DNTT: variants seen among roughly 807,000 people sequenced by gnomAD.
DNTT encodes the protein nucleosidetriphosphate:DNA deoxynucleotidylexotransferase.
Under a neutral mutation model 60.9 loss-of-function variants are expected in DNTT, and 47 were observed. The observed-to-expected ratio is 0.77, with a 90% confidence interval of 0.61 to 0.98. DNTT has a LOEUF of 0.98. Among genes scored for constraint, DNTT ranks in the 50% least tolerant of loss-of-function variants. DNTT has a pLI of 0.00. For missense variants in DNTT, 665 were observed against 627.5 expected, an observed-to-expected ratio of 1.06 and a Z score of -0.64; for synonymous variants, 224 against 221.2, an observed-to-expected ratio of 1.01 and a Z score of -0.11.
chr10:96,335,807 A>G, intron 9 of DNTT, 84 bp from the exon 10 acceptor site: 4 of 1,443,646 alleles, frequency 2.8e-6, no homozygotes, highest in Non-Finnish European at 3.9e-6. Flanking sequence ...GTGGAGTTAC[A>G]TATTTCACTA....
chr10:96,327,081 A>G (rs1270302839), intron 6 of DNTT, among the ~76,000 whole-genome samples: 1 of 152,162 alleles, frequency 6.6e-6, no homozygotes, highest in Non-Finnish European at 1.5e-5. Flanking sequence ...TAATGGATCC[A>G]TCACCTTCCA....
chr10:96,311,328 G>C (rs1366729576), intron 1 of DNTT, among the ~76,000 whole-genome samples: 1 of 152,210 alleles, frequency 6.6e-6, no homozygotes, highest in African/African-American at 2.4e-5. Context: ...GAAGACAGCA[G>C]GTGACCATCC....
At chr10:96,317,520 G>A (rs56747775) in intron 1 of DNTT, among the ~76,000 whole-genome samples, 1,902 of 152,254 alleles carry the variant, frequency 0.012, 36 homozygotes, top group African/African-American at 0.043. Flanking sequence ...TCTATGGTCT[G>A]AATATTTGTG....
intron 1 of DNTT, among the ~76,000 whole-genome samples, chr10:96,310,123 A>C (rs1038577444): frequency 6.6e-6 from 1 of 152,160 alleles, no homozygotes; most frequent in Non-Finnish European, 1.5e-5. Context: ...CACAGGGACC[A>C]ACCCCCCTAC....
At chr10:96,311,296 A>G (rs1001394749) in intron 1 of DNTT, among the ~76,000 whole-genome samples, 3 of 152,268 alleles carry the variant, frequency 2.0e-5, no homozygotes, top group African/African-American at 7.2e-5. Flanking sequence ...GGGAAGAATC[A>G]GGAATGACCT....
intron 1 of DNTT, 145 bp downstream of exon 1, chr10:96,304,845 A>G (rs1234144136): frequency 2.6e-5 from 24 of 917,082 alleles, no homozygotes; most frequent in South Asian, 3.7e-5. Flanking sequence ...TCAAAGAACA[A>G]CTAGTTAAGG....
At chr10:96,331,601 G>A (rs993083718) in intron 8 of DNTT, among the ~76,000 whole-genome samples, 3 of 152,062 alleles carry the variant, frequency 2.0e-5, no homozygotes, top group African/African-American at 7.3e-5. Context: ...ATGAGGATGA[G>A]GACGGCACAA....
intron 10 of DNTT, 134 bp from the exon 11 acceptor site, chr10:96,338,004 T>C: frequency 1.5e-6 from 1 of 668,348 alleles, no homozygotes; most frequent in Non-Finnish European, 2.4e-6. Context: ...CTTTTTATAC[T>C]CAGAAGCAGG....
chr10:96,316,724 A>G (rs1209968132), intron 1 of DNTT, among the ~76,000 whole-genome samples: 1 of 152,196 alleles, frequency 6.6e-6, no homozygotes, highest in Non-Finnish European at 1.5e-5. Context: ...GCCACCAACC[A>G]GCTGCCTCTC....
chr10:96,314,441 T>G (rs1056562721), intron 1 of DNTT, among the ~76,000 whole-genome samples: 17 of 131,962 alleles, frequency 1.3e-4, no homozygotes, highest in Non-Finnish European at 2.6e-4. Flanking sequence ...GAGATGGAGT[T>G]TCGCTCTGTC....
At chr10:96,323,159 T>C (rs1250189632) in intron 5 of DNTT, among the ~76,000 whole-genome samples, 1 of 151,818 alleles carries the variant, frequency 6.6e-6, no homozygotes, top group East Asian at 1.9e-4. Flanking sequence ...AAAAATTAGG[T>C]GTGGTGAGGC....
At chr10:96,331,684 A>C (rs981723913) in intron 8 of DNTT, among the ~76,000 whole-genome samples, 2 of 152,202 alleles carry the variant, frequency 1.3e-5, no homozygotes, top group African/African-American at 4.8e-5. Context: ...TTGGGGATCA[A>C]ATTTCTACGT....
intron 1 of DNTT, 89 bp downstream of exon 1, chr10:96,304,789 A>T (rs963271749): frequency 7.7e-6 from 11 of 1,420,486 alleles, no homozygotes; most frequent in African/African-American, 5.8e-5. Flanking sequence ...TTTCTTCCAC[A>T]TGTGGAAGAG....
chr10:96,336,500 C>T (rs73320769), intron 10 of DNTT, among the ~76,000 whole-genome samples: 7,313 of 152,180 alleles, frequency 0.048, 538 homozygotes, highest in African/African-American at 0.16. Flanking sequence ...GGTCATGATC[C>T]AATTCATCCC....
At chr10:96,316,539 G>A (rs78069798) in intron 1 of DNTT, among the ~76,000 whole-genome samples, 15,197 of 152,206 alleles carry the variant, frequency 0.1, 838 homozygotes, top group South Asian at 0.17. Flanking sequence ...CTTCTAGAAT[G>A]TAGTTGTCCC....
intron 1 of DNTT, among the ~76,000 whole-genome samples, chr10:96,305,038 C>T (rs1330078643): frequency 2.0e-5 from 3 of 152,176 alleles, no homozygotes; most frequent in Non-Finnish European, 4.4e-5. Flanking sequence ...CCAATTTGAA[C>T]AAAGTATCAC....
chr10:96,308,052 A>G (rs1384715456), intron 1 of DNTT, among the ~76,000 whole-genome samples: 2 of 152,242 alleles, frequency 1.3e-5, no homozygotes, highest in Non-Finnish European at 2.9e-5. Flanking sequence ...TACAATAAGC[A>G]TGTACTTTAA....
At chr10:96,332,226 A>G in intron 8 of DNTT, 125 bp from the exon 9 acceptor site, 1 of 1,380,046 alleles carries the variant, frequency 7.2e-7, no homozygotes. Flanking sequence ...GTGGGCCTTT[A>G]ATGCAAGGCC....
chr10:96,307,343 GTTTTTTTTTTT>G (rs533516556), intron 1 of DNTT, among the ~76,000 whole-genome samples: 1 of 67,606 alleles, frequency 1.5e-5, no homozygotes, highest in African/African-American at 6.4e-5. Flanking sequence ...GGGTTTTCCA[GTTTTTTTTTTT>G]TTTTTTTTTT....
Sources: allele counts gnomAD v4.1 joint callset (sites outside exome capture counted in the v4.1 genomes callset), GRCh38; gene constraint gnomAD v4.1.1; transcripts MANE v1.5; gene names NCBI Gene and HGNC (gene_info 2026-07-23, HGNC 2026-07-21).